Variants in SCFD2 observed in about 807,000 individuals in gnomAD.
The protein encoded by SCFD2 is sec1 family domain-containing protein 2.
A neutral mutation model predicts 58.9 loss-of-function variants in SCFD2; 54 were observed. That is an observed-to-expected ratio of 0.92 (90% CI 0.74 to 1.15). The LOEUF is 1.15. SCFD2 is among the 50% of genes most tolerant of loss of function. The pLI is 0.00. For missense variants in SCFD2, 805 were observed against 836.6 expected, an observed-to-expected ratio of 0.96 and a Z score of 0.47; for synonymous variants, 321 against 335.9, an observed-to-expected ratio of 0.96 and a Z score of 0.49.
At chr4:53,222,846 A>G (rs935291079) in intron 4 of SCFD2, among the ~76,000 whole-genome samples, 2 of 152,214 alleles carry the variant, frequency 1.3e-5, no homozygotes, top group Admixed American at 6.6e-5. Context: ...GAAAAGTAAT[A>G]TAACTTCAGC....
At chr4:53,163,897 T>G (rs909543832) in intron 4 of SCFD2, among the ~76,000 whole-genome samples, 48 of 152,154 alleles carry the variant, frequency 3.2e-4, no homozygotes, top group African/African-American at 1.2e-3. Context: ...TGAAGGATAC[T>G]TCATCTTCTC....
intron 4 of SCFD2, among the ~76,000 whole-genome samples, chr4:53,246,205 A>G (rs1326442598): frequency 6.6e-6 from 1 of 152,222 alleles, no homozygotes; most frequent in Non-Finnish European, 1.5e-5. Context: ...ATGGCACTAC[A>G]AAATAAAAAA....
intron 8 of SCFD2, among the ~76,000 whole-genome samples, chr4:52,881,877 T>C (rs1297752192): frequency 6.6e-6 from 1 of 152,166 alleles, no homozygotes; most frequent in Non-Finnish European, 1.5e-5. Context: ...TGGCAGACTC[T>C]GTTTGTGGTG....
intron 5 of SCFD2, among the ~76,000 whole-genome samples, chr4:52,960,189 C>A (rs1237938378): frequency 6.6e-6 from 1 of 151,928 alleles, no homozygotes; most frequent in African/African-American, 2.4e-5. Context: ...ACAAAATAAC[C>A]CACACCCAGT....
intron 4 of SCFD2, among the ~76,000 whole-genome samples, chr4:53,171,302 T>G (rs548577953): frequency 5.1e-4 from 77 of 152,358 alleles, no homozygotes; most frequent in African/African-American, 1.8e-3. Context: ...TCTGTTAATG[T>G]GCTATTTCAC....
At chr4:53,253,370 C>G (rs1426014191) in intron 4 of SCFD2, among the ~76,000 whole-genome samples, 7 of 151,918 alleles carry the variant, frequency 4.6e-5, no homozygotes, top group African/African-American at 1.7e-4. Context: ...ACCATTTGAC[C>G]CAGCCATCCC....
intron 4 of SCFD2, among the ~76,000 whole-genome samples, chr4:53,185,956 C>T (rs1727725215): frequency 6.6e-6 from 1 of 152,068 alleles, no homozygotes; most frequent in Admixed American, 6.6e-5. Flanking sequence ...ACAAAAAAAT[C>T]AAAGGGATAT....
chr4:53,293,106 T>C lies in SCFD2; in HGVS notation c.1136-19105A>G, dbSNP rs561916049. Among the ~76,000 whole-genome samples, 6 of 152,110 alleles carry C rather than the reference T, an allele frequency of 3.9e-5. No individual in the cohort carries two copies. The South Asian group carries it at 1.0e-3, about 26-fold the overall frequency. ...AAGAAAATGTAGTACATACACACCA[T>C]AGAATATTATGCAGCCATAAAAAGG... On this transcript the variant is annotated intron_variant, in intron 3 of 8. Transcript: ENST00000401642.
intron 5 of SCFD2, among the ~76,000 whole-genome samples, chr4:53,009,427 G>A (rs1339408172): frequency 6.6e-6 from 1 of 152,172 alleles, no homozygotes; most frequent in Non-Finnish European, 1.5e-5. Context: ...CAAATGTAAA[G>A]GGAGAATCTA....
At chr4:53,253,737 C>A (rs1373032581) in intron 4 of SCFD2, among the ~76,000 whole-genome samples, 1 of 91,252 alleles carries the variant, frequency 1.1e-5, no homozygotes, top group African/African-American at 4.7e-5. Context: ...TGGGGACTGT[C>A]GTGGGGTGGG....
At chr4:53,220,621 C>A (rs1005010653) in intron 4 of SCFD2, among the ~76,000 whole-genome samples, 1 of 152,188 alleles carries the variant, frequency 6.6e-6, no homozygotes, top group African/African-American at 2.4e-5. Context: ...CATAGACACA[C>A]AGCACACAAG....
chr4:53,180,084 C>T (rs1727493464), intron 4 of SCFD2, among the ~76,000 whole-genome samples: 1 of 152,150 alleles, frequency 6.6e-6, no homozygotes, highest in African/African-American at 2.4e-5. Context: ...CAACATTAGA[C>T]AGAACAACGA....
At chr4:53,341,736 C>T (rs1288358289) in intron 2 of SCFD2, among the ~76,000 whole-genome samples, 2 of 152,110 alleles carry the variant, frequency 1.3e-5, no homozygotes, top group Non-Finnish European at 2.9e-5. Context: ...AAAGGGAAGC[C>T]CATCAGACTA....
intron 4 of SCFD2, among the ~76,000 whole-genome samples, chr4:53,229,289 C>T (rs1397898315): frequency 2.0e-5 from 3 of 152,050 alleles, no homozygotes; most frequent in Non-Finnish European, 4.4e-5. Flanking sequence ...TCATATGGAA[C>T]CAAAAAAGAG....
intron 4 of SCFD2, among the ~76,000 whole-genome samples, chr4:53,184,153 A>C (rs1727671168): frequency 6.6e-6 from 1 of 152,160 alleles, no homozygotes; most frequent in South Asian, 2.1e-4. Flanking sequence ...TCTTGTGCCC[A>C]AATATTCAAT....
Position 53,225,792 on chromosome 4 carries a change from C to T in SCFD2, c.1311+48034G>A, listed in dbSNP as rs538837475. 3.8e-4 allele frequency among the ~76,000 whole-genome samples: 58 copies of T among 152,216 alleles called. No homozygotes were observed. The South Asian group carries it at 0.012, about 30-fold the overall frequency. On this transcript the variant is annotated intron_variant, in intron 4 of 8. Coordinates refer to ENST00000401642, the MANE Select transcript of SCFD2 (RefSeq NM_152540.4). ...ATCAGCAGCATTTAGTTCTAGAACC[C>T]TCTAATCTTAAGGTCCTTTCTCTAA...
At chr4:52,905,597 C>T (rs1472430568) in intron 7 of SCFD2, among the ~76,000 whole-genome samples, 1 of 152,176 alleles carries the variant, frequency 6.6e-6, no homozygotes, top group Admixed American at 6.5e-5. Context: ...ACTTGGAAAC[C>T]TCCCTTTGAG....
chr4:53,236,053 G>A (rs978374829), intron 4 of SCFD2, among the ~76,000 whole-genome samples: 12 of 152,162 alleles, frequency 7.9e-5, no homozygotes, highest in African/African-American at 2.7e-4. Flanking sequence ...TATTGATTCT[G>A]GGTGTGTAAG....
Position 53,284,827 on chromosome 4 carries a change from T to C in SCFD2, c.1136-10826A>G, listed in dbSNP as rs574650750. On this transcript the variant is annotated intron_variant, in intron 3 of 8. Coordinates refer to ENST00000401642, the MANE Select transcript of SCFD2 (RefSeq NM_152540.4). ...TCCCACAGGGATTTGGAGGACTATA[T>C]ATACAGCCAACCATATAGTGAAAGT... is the stretch of plus-strand genomic sequence containing the variant. 4.6e-5 allele frequency among the ~76,000 whole-genome samples: 7 copies of C among 152,324 alleles called. No individual in the cohort carries two copies. In the South Asian group the frequency reaches 8.3e-4, roughly 18 times the overall value.
Sources: allele counts gnomAD v4.1 joint callset (sites outside exome capture counted in the v4.1 genomes callset), GRCh38; gene constraint gnomAD v4.1.1; transcripts MANE v1.5; gene names NCBI Gene and HGNC (gene_info 2026-07-23, HGNC 2026-07-21).